The following TRPV5 variants were observed in gnomAD, a reference collection of about 807,000 sequenced individuals.
TRPV5 encodes the protein transient receptor potential cation channel subfamily V member 5, also known as calcium transport protein 2.
TRPV5 carries 66 observed loss-of-function variants against 74.1 expected under a neutral mutation model. That is an observed-to-expected ratio of 0.89 (90% CI 0.73 to 1.09). The LOEUF (loss-of-function observed/expected upper bound fraction) is 1.09. Ranked by LOEUF, TRPV5 falls within the 50% of genes least tolerant of loss-of-function variation. TRPV5 has a pLI of 0.00. For missense variants in TRPV5, 936 were observed against 930.4 expected (o/e 1.01, Z -0.08); for synonymous variants, 399 against 360.7 (o/e 1.11, Z -1.20).
At chr7:142,927,407 G>T (rs1796006605) in intron 7 of TRPV5, among the ~76,000 whole-genome samples, 1 of 152,180 alleles carries the variant, frequency 6.6e-6, no homozygotes, top group Non-Finnish European at 1.5e-5. Context: ...CAATATGCTT[G>T]TATTAGTCCA....
intron 8 of TRPV5, 173 bp downstream of exon 8, chr7:142,925,356 A>G (rs1795965553): frequency 4.6e-6 from 3 of 649,196 alleles, no homozygotes; most frequent in African/African-American, 1.8e-5. Context: ...TCTTGTGCTC[A>G]TTAAACCCCA....
At position 142,929,031 on chromosome 7, in the gene TRPV5, C is replaced by T. The variant is rs1215728451; in HGVS notation, c.577G>A (p.Asp193Asn). 2 of 1,613,926 alleles carry T rather than the reference C, an allele frequency of 1.2e-6. No individual in the cohort carries two copies. The highest frequency in any genetic ancestry group is 1.7e-6 in the Non-Finnish European group (2 of 1,180,030). The change falls in exon 5 of 15, where the codon GAC (aspartate) becomes AAC (asparagine). Residue 193 changes from aspartate to asparagine, a missense_variant. Coordinates refer to ENST00000265310, the MANE Select transcript of TRPV5 (RefSeq NM_019841.7). ...CCATCCCAGCTCTTACCCAGGGAGT[C>T]CTGGGCCCTGATGTCAGCTCCATGC... Reference protein sequence around the residue: ...IEHGADIRAQDSLGNTVLHIL... With the variant: ...IEHGADIRAQNSLGNTVLHIL...
intron 1 of TRPV5, 137 bp from the exon 2 acceptor site, chr7:142,930,583 T>A: frequency 1.4e-6 from 1 of 698,844 alleles, no homozygotes; most frequent in South Asian, 1.7e-5. Context: ...AAGTGCCTAC[T>A]GGACTCGAAT....
intron 8 of TRPV5, among the ~76,000 whole-genome samples, chr7:142,918,371 A>G (rs1255384573): frequency 6.6e-6 from 1 of 152,182 alleles, no homozygotes; most frequent in Admixed American, 6.5e-5. Flanking sequence ...TCTCTCTGAC[A>G]TGTTTTCCTT....
intron 8 of TRPV5, among the ~76,000 whole-genome samples, chr7:142,924,267 T>C (rs1262986609): frequency 2.2e-5 from 2 of 91,000 alleles, no homozygotes; most frequent in Non-Finnish European, 3.9e-5. Context: ...TATATATACA[T>C]ATATATATAT....
intron 10 of TRPV5, 34 bp from the exon 11 acceptor site, chr7:142,915,080 G>A: frequency 1.2e-6 from 2 of 1,606,864 alleles, no homozygotes; most frequent in Non-Finnish European, 1.7e-6. Context: ...TGAGAGACAA[G>A]CTGGAACTAT....
At chr7:142,921,475 G>T (rs1187938312) in intron 8 of TRPV5, among the ~76,000 whole-genome samples, 1 of 152,006 alleles carries the variant, frequency 6.6e-6, no homozygotes, top group Non-Finnish European at 1.5e-5. Flanking sequence ...GAGAGATGGG[G>T]TTTCACTATG....
At chr7:142,931,814 G>A (rs1416314791) in intron 1 of TRPV5, among the ~76,000 whole-genome samples, 2 of 152,172 alleles carry the variant, frequency 1.3e-5, no homozygotes, top group African/African-American at 4.8e-5. Flanking sequence ...TGATTCTCCT[G>A]CCTCAGCCTC....
chr7:142,928,385 T>G, intron 6 of TRPV5, 151 bp from the exon 7 acceptor site: 4 of 941,934 alleles, frequency 4.2e-6, no homozygotes, highest in Non-Finnish European at 6.5e-6. Context: ...TTCCCTTTTT[T>G]GTCATCTTTC....
In TRPV5 at chr7:142,924,343, TATATATATAGACATATAC is replaced by T. The variant is rs1795942455; in HGVS notation, c.1122+1168_1122+1185del. Reference sequence around the variant, plus strand: ...ATATACATGTATATATATACATATATATATATATAGACATATACATGTATATATATACATATATATATA... The same window carrying T: ...ATATACATGTATATATATACATATATATGTATATATATACATATATATATA... On this transcript the variant is annotated intron_variant, in intron 8 of 14. Transcript: ENST00000265310. 4.1e-4 allele frequency among the ~76,000 whole-genome samples: 5 copies of T among 12,204 alleles called. 1 individual carries two copies. The highest frequency in any genetic ancestry group is 7.0e-4 in the African/African-American group (5 of 7,188). 8.0% of individuals were successfully genotyped at this position (12,204 alleles called of 152,430 possible). A position where few individuals can be genotyped will look rare whatever the true frequency, so the allele number is the denominator to read the frequency against.
intron 13 of TRPV5, 127 bp from the exon 14 acceptor site, chr7:142,909,723 A>G (rs1041319767): frequency 3.2e-6 from 3 of 930,338 alleles, no homozygotes; most frequent in Non-Finnish European, 4.9e-6. Context: ...CAGTGGTGAG[A>G]ACAGCCACCT....
rs1269415093 is a variant in TRPV5, at chr7:142,933,564, T to C, written c.-105A>G. ...GATGGGGTCTATTTGGGGCTGGGAC[T>C]CTGAGTTTATCTCCTGTATGACTTG... On this transcript the variant is annotated 5_prime_UTR_variant, in exon 1 of 15. Coordinates refer to ENST00000265310, the MANE Select transcript of TRPV5 (RefSeq NM_019841.7). The C allele has an allele frequency of 1.4e-6, 2 of 1,440,500 alleles. No homozygotes were observed. Among genetic ancestry groups the C allele is most frequent in the African/African-American group, 1.4e-5 (1 of 70,192 alleles). The allele number at this position is 1,440,500 out of a possible 1,614,324, so 89.2% of individuals were successfully genotyped here. A position where few individuals can be genotyped will look rare whatever the true frequency, so the allele number is the denominator to read the frequency against.
At position 142,908,370 on chromosome 7, in the gene TRPV5, G is replaced by T; in HGVS notation, c.*144C>A. 1.2e-6 allele frequency: 1 copy of T among 862,412 alleles called. No individual in the cohort carries two copies. Among genetic ancestry groups the T allele is most frequent in the Non-Finnish European group, 1.8e-6 (1 of 558,512 alleles). The allele number at this position is 862,412 out of a possible 1,614,324, so 53.4% of individuals were successfully genotyped here. ...CAGAAATTCTGATGTGAAGTGTGAG[G>T]CATGACCCTTTAGGGATTGTTCTGT... On this transcript the variant is annotated 3_prime_UTR_variant, in exon 15 of 15. Coordinates refer to ENST00000265310, the MANE Select transcript of TRPV5 (RefSeq NM_019841.7).
intron 8 of TRPV5, among the ~76,000 whole-genome samples, chr7:142,922,519 C>A (rs892792149): frequency 1.3e-5 from 2 of 152,144 alleles, no homozygotes; most frequent in Admixed American, 6.5e-5. Flanking sequence ...AATACCAAGG[C>A]CAGAGCCTCA....
chr7:142,910,038 T>A (rs1250887921), intron 13 of TRPV5, among the ~76,000 whole-genome samples: 1 of 152,184 alleles, frequency 6.6e-6, no homozygotes, highest in South Asian at 2.1e-4. Context: ...AAAGGGTTGA[T>A]TAATGACTGC....
At position 142,909,700 on chromosome 7, in the gene TRPV5, G is replaced by C. The variant is rs533628713; in HGVS notation, c.1789-104C>G. 18 of 1,205,452 alleles carry C rather than the reference G, an allele frequency of 1.5e-5. No homozygotes were observed. In the East Asian group the frequency reaches 4.3e-4, roughly 29 times the overall value. 74.7% of individuals were successfully genotyped at this position (1,205,452 alleles called of 1,614,324 possible). A position where few individuals can be genotyped will look rare whatever the true frequency, so the allele number is the denominator to read the frequency against. ...GGAACCAAAGGCAATCTGTGAGATAGGACACTAGAGGTCAGTGGTGAGAAC... is the reference window on the plus strand; with the variant it reads ...GGAACCAAAGGCAATCTGTGAGATACGACACTAGAGGTCAGTGGTGAGAAC... On this transcript the variant is annotated intron_variant, in intron 13 of 14. Transcript: ENST00000265310.
Position 142,908,732 on chromosome 7 carries a change from C to A in TRPV5, c.1972G>T (p.Asp658Tyr). 1 of 1,614,186 alleles carries A rather than the reference C, an allele frequency of 6.2e-7. No homozygotes were observed. The highest frequency in any genetic ancestry group is 8.5e-7 in the Non-Finnish European group (1 of 1,180,048). Reference sequence around the variant, plus strand: ...TTCTCAGATGGATGCTCCTGGTCATCCTCCTTGTCTGAGTTCTTGAACACT... The same window carrying A: ...TTCTCAGATGGATGCTCCTGGTCATACTCCTTGTCTGAGTTCTTGAACACT... ...VEVFKNSDKE[D>Y]DQEHPSEKQP... The change falls in exon 15 of 15, where the codon GAT (aspartate) becomes TAT (tyrosine). Residue 658 changes from aspartate to tyrosine, a missense_variant. Physicochemically the swap from Asp to Tyr is radical, Grantham distance 160 (BLOSUM62 -3). Coordinates refer to ENST00000265310, the MANE Select transcript of TRPV5 (RefSeq NM_019841.7).
chr7:142,911,727 T>C (rs1275477119), intron 13 of TRPV5, among the ~76,000 whole-genome samples: 1 of 152,160 alleles, frequency 6.6e-6, no homozygotes, highest in African/African-American at 2.4e-5. Flanking sequence ...TGTCAACACA[T>C]AGCAGGGTCT....
At chr7:142,919,826 G>A (rs1795855131) in intron 8 of TRPV5, among the ~76,000 whole-genome samples, 2 of 152,212 alleles carry the variant, frequency 1.3e-5, no homozygotes, top group Admixed American at 1.3e-4. Flanking sequence ...GATGTACTAT[G>A]TGGAAAGGAT....
Sources: allele counts gnomAD v4.1 joint callset (sites outside exome capture counted in the v4.1 genomes callset), GRCh38; gene constraint gnomAD v4.1.1; transcripts MANE v1.5; gene names NCBI Gene and HGNC (gene_info 2026-07-23, HGNC 2026-07-21).